PADI1: variants seen among roughly 807,000 people sequenced by gnomAD.
PADI1 encodes the protein protein-arginine deiminase type-1.
A neutral mutation model predicts 74.8 loss-of-function variants in PADI1; 65 were observed. The observed-to-expected ratio is 0.87, with a 90% confidence interval of 0.71 to 1.07. The LOEUF (loss-of-function observed/expected upper bound fraction) is 1.07, where lower values mean the gene tolerates loss of function less well. Among genes scored for constraint, PADI1 ranks in the 50% least tolerant of loss-of-function variants. The pLI is 0.00. For synonymous variants in PADI1, 371 were observed against 336.2 expected (o/e 1.10, Z -1.13); for missense variants, 943 against 854.0 (o/e 1.10, Z -1.30).
chr1:17,218,565 G>C (rs1353945267), intron 1 of PADI1, among the ~76,000 whole-genome samples: 4 of 152,190 alleles, frequency 2.6e-5, no homozygotes, highest in Non-Finnish European at 2.9e-5. Context: ...GTCAATGAGG[G>C]GAAGAAGAGA....
chr1:17,215,134 G>A (rs1196084838), intron 1 of PADI1, among the ~76,000 whole-genome samples: 3 of 152,150 alleles, frequency 2.0e-5, no homozygotes, highest in Non-Finnish European at 4.4e-5. Flanking sequence ...GGTGTCTCCT[G>A]CAGGAAGCCA....
intron 6 of PADI1, 52 bp downstream of exon 6, chr1:17,226,210 C>T (rs1239224365): frequency 2.5e-6 from 4 of 1,583,010 alleles, no homozygotes; most frequent in Admixed American, 3.5e-5. Context: ...TATCTATCCT[C>T]TCCTCCCCCA....
chr1:17,210,708 G>A (rs1363857859), intron 1 of PADI1, among the ~76,000 whole-genome samples: 4 of 152,174 alleles, frequency 2.6e-5, no homozygotes, highest in African/African-American at 9.7e-5. Context: ...GAAAATGCCT[G>A]AGCCTGCTGA....
chr1:17,230,607 C>T lies in PADI1; in HGVS notation c.1089C>T (p.His363=). Residue 363 remains histidine, a synonymous_variant, in exon 10 of 16, where the codon CAC becomes CAT. Coordinates refer to ENST00000375471, the MANE Select transcript of PADI1 (RefSeq NM_013358.3). ...EMEFGYIEAP[H]KSFPVVFDSP... ...AGTTTGGCTACATCGAGGCCCCTCA[C>T]AAATCCTTCCCCGTGGTCTTTGACT... is the stretch of plus-strand genomic sequence containing the variant. 6.2e-7 allele frequency: 1 copy of T among 1,612,984 alleles called. No homozygotes were observed.
At chr1:17,236,347 C>T (rs1343239162) in intron 11 of PADI1, among the ~76,000 whole-genome samples, 1 of 152,218 alleles carries the variant, frequency 6.6e-6, no homozygotes, top group Non-Finnish European at 1.5e-5. Flanking sequence ...CCCCACAGGG[C>T]TGTCATAAGG....
Position 17,237,368 on chromosome 1 carries a change from G to A in PADI1, c.1368G>A (p.Gln456=), listed in dbSNP as rs758020879. Residue 456 remains glutamine (Q), a synonymous_variant, in exon 12 of 16, where the codon CAG becomes CAA. Coordinates refer to ENST00000375471, the MANE Select transcript of PADI1 (RefSeq NM_013358.3). ...TGCGGAACTTCCTGAAGGCACAGCA[G>A]GTGCAGGCACCCGTGGAGCTCTACT... ...RAVRNFLKAQ[Q]VQAPVELYSD... 3.1e-6 allele frequency: 5 copies of A among 1,613,350 alleles called. No homozygotes were observed. In the African/African-American group the frequency reaches 5.3e-5, roughly 17 times the overall value.
intron 1 of PADI1, among the ~76,000 whole-genome samples, chr1:17,215,305 C>G (rs148828491): frequency 1.4e-4 from 21 of 152,240 alleles, no homozygotes; most frequent in Non-Finnish European, 2.6e-4. Context: ...ATCTAGACTA[C>G]AGGAAGCTAG....
At position 17,208,854 on chromosome 1, in the gene PADI1, C is replaced by A. The variant is rs191994011; in HGVS notation, c.92+3545C>A. Among the ~76,000 whole-genome samples, 270 of 152,326 alleles carry A rather than the reference C, an allele frequency of 1.8e-3. 1 individual carries two copies. Among genetic ancestry groups the A allele is most frequent in the Non-Finnish European group, 3.0e-3 (206 of 68,024 alleles). ...GACTGCCCAGAGGCCAGAACCAGAGCCTGAGGCTGGAGACCATAAAGAACC... is the reference window on the plus strand; with the variant it reads ...GACTGCCCAGAGGCCAGAACCAGAGACTGAGGCTGGAGACCATAAAGAACC... On this transcript the variant is annotated intron_variant, in intron 1 of 15. Transcript: ENST00000375471.
Position 17,242,303 on chromosome 1 carries a change from G to A in PADI1, c.1758+1543G>A, listed in dbSNP as rs561732022. Among the ~76,000 whole-genome samples, 4 of 152,324 alleles carry A rather than the reference G, an allele frequency of 2.6e-5. No homozygotes were observed. The South Asian group carries it at 6.2e-4, about 24-fold the overall frequency. Reference sequence around the variant, plus strand: ...AGTGTTGTCTGTTAGAACATTCTGTGCTGATGAAAATGTTCCATATCGGTA... The same window carrying A: ...AGTGTTGTCTGTTAGAACATTCTGTACTGATGAAAATGTTCCATATCGGTA... On this transcript the variant is annotated intron_variant, in intron 15 of 15. Coordinates refer to ENST00000375471, the MANE Select transcript of PADI1 (RefSeq NM_013358.3).
chr1:17,205,593 G>A (rs1342487758), intron 1 of PADI1, among the ~76,000 whole-genome samples: 2 of 152,116 alleles, frequency 1.3e-5, no homozygotes, highest in Non-Finnish European at 2.9e-5. Context: ...GTCAGGCTTT[G>A]GGGTCTGGGC....
chr1:17,223,411 G>T, intron 2 of PADI1: 1 of 574,276 alleles, frequency 1.7e-6, no homozygotes, highest in Non-Finnish European at 3.1e-6. Context: ...CACCTGCTCT[G>T]GGAACCAAGG....
intron 1 of PADI1, among the ~76,000 whole-genome samples, chr1:17,221,081 G>A (rs968903727): frequency 4.6e-5 from 7 of 152,222 alleles, no homozygotes; most frequent in African/African-American, 1.7e-4. Context: ...GAGCTCTGAT[G>A]TATCAGGTGA....
chr1:17,205,195 G>C lies in PADI1; in HGVS notation c.-23G>C, dbSNP rs775040779. The stretch of plus-strand genomic sequence containing the variant: ...AGCTGGGGAGCCAGGGCTGATCTAG[G>C]AGGCTGGGAGCCAGGTGACAGGATG... On this transcript the variant is annotated 5_prime_UTR_variant, in exon 1 of 16. Coordinates refer to ENST00000375471, the MANE Select transcript of PADI1 (RefSeq NM_013358.3). 29 of 1,606,750 alleles carry C rather than the reference G, an allele frequency of 1.8e-5. No individual in the cohort carries two copies. Among genetic ancestry groups the C allele is most frequent in the Non-Finnish European group, 2.5e-5 (29 of 1,173,730 alleles).
At chr1:17,236,527 G>A (rs1389642554) in intron 11 of PADI1, among the ~76,000 whole-genome samples, 2 of 152,178 alleles carry the variant, frequency 1.3e-5, no homozygotes, top group East Asian at 3.9e-4. Context: ...GGCCGAGGTG[G>A]GGGGGTCGCT....
At chr1:17,242,958 A>G (rs1391284633) in intron 15 of PADI1, among the ~76,000 whole-genome samples, 1 of 146,132 alleles carries the variant, frequency 6.8e-6, no homozygotes, top group Non-Finnish European at 1.5e-5. Flanking sequence ...GGCCAAGGCC[A>G]GGGGACTGAC....
rs773065414 is a variant in PADI1, at chr1:17,230,699, G to A, written c.1161+20G>A. The stretch of plus-strand genomic sequence containing the variant: ...ATCCTGGTACGTAGCGACAGGTAGA[G>A]TGCAGAAACCCTGGTTGGGTCCTCC... On this transcript the variant is annotated intron_variant, in intron 10 of 15. Coordinates refer to ENST00000375471, the MANE Select transcript of PADI1 (RefSeq NM_013358.3). 5.5e-6 allele frequency: 8 copies of A among 1,457,438 alleles called. No individual in the cohort carries two copies. In the African/African-American group the frequency reaches 9.7e-5, roughly 18 times the overall value. 90.3% of individuals were successfully genotyped at this position (1,457,438 alleles called of 1,614,324 possible).
Position 17,244,058 on chromosome 1 carries a change from G to C in PADI1, c.1807G>C (p.Gly603Arg). 1 of 1,614,202 alleles carries C rather than the reference G, an allele frequency of 6.2e-7. No homozygotes were observed. Among genetic ancestry groups the C allele is most frequent in the Non-Finnish European group, 8.5e-7 (1 of 1,180,032 alleles). ...GKYLGIPKPY[G>R]PIINGRCCLE... ...GTACCTGGGCATCCCCAAGCCCTAC[G>C]GGCCCATCATCAATGGCCGCTGCTG... Residue 603 changes from glycine to arginine, a missense_variant, in exon 16 of 16, where the codon GGG (glycine) becomes CGG (arginine). Physicochemically the swap from Gly to Arg is moderately radical, Grantham distance 125 (BLOSUM62 -2). Transcript: ENST00000375471.
intron 14 of PADI1, 58 bp from the exon 15 acceptor site, chr1:17,240,577 G>A (rs1426738541): frequency 2.5e-6 from 4 of 1,592,082 alleles, no homozygotes; most frequent in South Asian, 1.1e-5. Flanking sequence ...CACAGTAGGT[G>A]CTTGGCCAGT....
At chr1:17,219,623 G>A (rs1292904005) in intron 1 of PADI1, among the ~76,000 whole-genome samples, 1 of 152,126 alleles carries the variant, frequency 6.6e-6, no homozygotes. Context: ...GCCGGCTGAG[G>A]AACATGGCAG....
Sources: gnomAD v4.1 joint callset for allele counts (sites outside exome capture counted in the v4.1 genomes callset) on GRCh38, gnomAD v4.1.1 for gene constraint, MANE v1.5 for transcripts, NCBI Gene and HGNC (gene_info 2026-07-23, HGNC 2026-07-21) for gene names.